Variants in LARGE1 observed in about 807,000 individuals in gnomAD.
LARGE1 encodes xylosyl- and glucuronyltransferase LARGE1.
Under a neutral mutation model 87.6 loss-of-function variants are expected in LARGE1, and 43 were observed. That is an observed-to-expected ratio of 0.49 (90% confidence interval 0.38 to 0.63). LARGE1 has a LOEUF of 0.63. LARGE1 is among the 30% of genes least tolerant of loss of function. The pLI is 0.00. For synonymous variants in LARGE1, 434 were observed against 394.6 expected, an observed-to-expected ratio of 1.10 and a Z score of -1.18; for missense variants, 802 against 1,000.2, an observed-to-expected ratio of 0.80 and a Z score of 2.67.
intron 7 of LARGE1, among the ~76,000 whole-genome samples, chr22:33,390,446 C>T (rs527779885): frequency 6.6e-6 from 1 of 152,180 alleles, no homozygotes; most frequent in Non-Finnish European, 1.5e-5. Context: ...TATCTTAGAA[C>T]ATTAGAACTA....
At chr22:33,164,024 C>T (rs1922133723) in exon 12 of LARGE1, 1 of 152,160 alleles carries the variant, frequency 6.6e-6, no homozygotes, top group South Asian at 2.1e-4. Context: ...CATCAAATAC[C>T]AGGTAGCTAT....
At chr22:33,252,251 T>TCCCCC (rs34458283) in intron 11 of LARGE1, among the ~76,000 whole-genome samples, 29 of 111,560 alleles carry the variant, frequency 2.6e-4, no homozygotes, top group African/African-American at 2.9e-4. Flanking sequence ...ATTCCTTCAT[T>TCCCCC]CCCCCCCCCC....
At chr22:33,072,575 C>T in the LARGE1 span, among the ~76,000 whole-genome samples, 12 of 152,248 alleles carry the variant, frequency 7.9e-5, no homozygotes, top group African/African-American at 1.9e-4. Context: ...GCTCAGGTCT[C>T]ATCTGAGATT....
intron 6 of LARGE1, among the ~76,000 whole-genome samples, chr22:33,440,942 A>C (rs1181988575): frequency 2.0e-5 from 3 of 152,144 alleles, no homozygotes; most frequent in Non-Finnish European, 4.4e-5. Context: ...GCCAAGGGCG[A>C]GCGGTGTTTA....
At chr22:33,786,293 T>C (rs2085639144) in intron 1 of LARGE1, among the ~76,000 whole-genome samples, 1 of 152,196 alleles carries the variant, frequency 6.6e-6, no homozygotes, top group Non-Finnish European at 1.5e-5. Context: ...GCATATTAAT[T>C]GGAAAAAAGC....
intron 11 of LARGE1, among the ~76,000 whole-genome samples, chr22:33,186,428 T>C (rs1923479353): frequency 6.6e-6 from 1 of 152,168 alleles, no homozygotes; most frequent in Non-Finnish European, 1.5e-5. Context: ...AGCAAAAGTA[T>C]ATGACACAAT....
intron 11 of LARGE1, among the ~76,000 whole-genome samples, chr22:33,237,927 G>A (rs2145677587): frequency 6.6e-6 from 1 of 152,342 alleles, no homozygotes; most frequent in South Asian, 2.1e-4. Flanking sequence ...GAAAGGGAGT[G>A]GAGGCTGACA....
At chr22:33,462,329 G>A (rs745983311) in intron 6 of LARGE1, among the ~76,000 whole-genome samples, 34 of 152,000 alleles carry the variant, frequency 2.2e-4, no homozygotes, top group Non-Finnish European at 4.3e-4. Flanking sequence ...ACATTTTTCA[G>A]ATAATAAAAA....
At chr22:33,100,061 C>T in the LARGE1 span, among the ~76,000 whole-genome samples, 1 of 152,122 alleles carries the variant, frequency 6.6e-6, no homozygotes, top group South Asian at 2.1e-4. Context: ...TTTGGCCAGT[C>T]GTGGTGGCTT....
chr22:33,316,379 T>C (rs1936166092), intron 10 of LARGE1, 131 bp from the exon 11 acceptor site: 6 of 761,642 alleles, frequency 7.9e-6, no homozygotes, highest in South Asian at 1.6e-5. Flanking sequence ...CTGACGTACA[T>C]GGAAGGGATC....
chr22:33,596,166 CT>C (rs2078971658), intron 5 of LARGE1, among the ~76,000 whole-genome samples: 1 of 152,144 alleles, frequency 6.6e-6, no homozygotes, highest in Non-Finnish European at 1.5e-5. Flanking sequence ...CATTAGAAGA[CT>C]GTTAAATAAA....
At chr22:33,319,783 C>T (rs938045707) in intron 10 of LARGE1, among the ~76,000 whole-genome samples, 1 of 152,016 alleles carries the variant, frequency 6.6e-6, no homozygotes, top group Non-Finnish European at 1.5e-5. Context: ...GTGGGGGGCA[C>T]TTTTTTATTA....
intron 2 of LARGE1, among the ~76,000 whole-genome samples, chr22:33,669,198 T>C (rs1162452069): frequency 7.2e-5 from 11 of 152,226 alleles, no homozygotes; most frequent in South Asian, 2.1e-4. Context: ...ACTGGGAACA[T>C]AGCTTTCCAT....
chr22:33,815,964 CA>C (rs888271108), intron 1 of LARGE1, among the ~76,000 whole-genome samples: 8 of 152,174 alleles, frequency 5.3e-5, no homozygotes, highest in Non-Finnish European at 1.2e-4. Flanking sequence ...TCATCACCTC[CA>C]AAAACACAGG....
At chr22:33,455,463 G>A (rs1256119654) in intron 6 of LARGE1, among the ~76,000 whole-genome samples, 1 of 152,112 alleles carries the variant, frequency 6.6e-6, no homozygotes, top group Non-Finnish European at 1.5e-5. Flanking sequence ...ATTAGACCAT[G>A]GTGAGCTGCT....
At chr22:33,727,870 T>C (rs2083318665) in intron 2 of LARGE1, among the ~76,000 whole-genome samples, 1 of 152,074 alleles carries the variant, frequency 6.6e-6, no homozygotes, top group East Asian at 1.9e-4. Flanking sequence ...GGAAGCTTCT[T>C]AGGGCAGGTG....
At chr22:33,281,760 C>T (rs975837027) in intron 13 of LARGE1, among the ~76,000 whole-genome samples, 3 of 152,170 alleles carry the variant, frequency 2.0e-5, no homozygotes, top group African/African-American at 7.2e-5. Flanking sequence ...TGAGTCTTGG[C>T]TCTACTGGGA....
intron 11 of LARGE1, among the ~76,000 whole-genome samples, chr22:33,193,420 G>A (rs1422961111): frequency 6.6e-6 from 1 of 152,152 alleles, no homozygotes; most frequent in African/African-American, 2.4e-5. Context: ...CATATGAGTA[G>A]AGTGATAAAG....
chr22:33,784,755 ATATACCATATATTCATACAGTATG>A (rs1450968086), intron 1 of LARGE1, among the ~76,000 whole-genome samples: 1 of 152,014 alleles, frequency 6.6e-6, no homozygotes, highest in African/African-American at 2.4e-5. Context: ...TAAACAATAT[ATATACCATATATTCATACAGTATG>A]TATACCATAT....
Sources: gnomAD v4.1 joint callset for allele counts (sites outside exome capture counted in the v4.1 genomes callset) on GRCh38, gnomAD v4.1.1 for gene constraint, MANE v1.5 for transcripts, NCBI Gene and HGNC (gene_info 2026-07-23, HGNC 2026-07-21) for gene names.